FER: variants seen among roughly 807,000 people sequenced by gnomAD.
FER encodes the protein tyrosine-protein kinase Fer.
FER carries 63 observed loss-of-function variants against 111.0 expected under a neutral mutation model. The ratio of observed to expected loss-of-function variants is 0.57; its 90% CI spans 0.46 to 0.70. The LOEUF is 0.70. FER is among the 30% of genes least tolerant of loss of function. The pLI is 0.00. For synonymous variants in FER, 327 were observed against 313.9 expected (o/e 1.04, Z -0.44); for missense variants, 914 against 954.0 (o/e 0.96, Z 0.55).
At chr5:108,886,865 T>C (rs1747251233) in intron 9 of FER, among the ~76,000 whole-genome samples, 1 of 151,748 alleles carries the variant, frequency 6.6e-6, no homozygotes, top group South Asian at 2.1e-4. Flanking sequence ...AATGCAGACA[T>C]TGGTAGGGTT....
chr5:108,896,060 C>T (rs1363787688), intron 9 of FER, among the ~76,000 whole-genome samples: 1 of 151,954 alleles, frequency 6.6e-6, no homozygotes, highest in Admixed American at 6.6e-5. Context: ...TGAAATCATT[C>T]ACCTTTTTGT....
intron 17 of FER, among the ~76,000 whole-genome samples, chr5:109,152,195 CAA>C (rs1754922407): frequency 6.6e-6 from 1 of 151,980 alleles, no homozygotes; most frequent in African/African-American, 2.4e-5. Flanking sequence ...AATGTAAAAT[CAA>C]AGTCAGTTCC....
intron 13 of FER, among the ~76,000 whole-genome samples, chr5:109,035,415 G>A (rs1333452956): frequency 6.6e-6 from 1 of 152,124 alleles, no homozygotes; most frequent in Non-Finnish European, 1.5e-5. Context: ...AGTTTGTCTA[G>A]ATTTATTAAC....
chr5:109,180,622 C>T, intron 17 of FER, 125 bp from the exon 18 acceptor site: 1 of 1,065,396 alleles, frequency 9.4e-7, no homozygotes, highest in Non-Finnish European at 1.3e-6. Context: ...TGGTAAATCA[C>T]AAGCATTCTT....
intron 17 of FER, among the ~76,000 whole-genome samples, chr5:109,145,087 A>ACAC (rs200009582): frequency 0.012 from 1,804 of 151,988 alleles, 18 homozygotes; most frequent in Non-Finnish European, 0.02. Context: ...TTTCAAATTA[A>ACAC]GAGTTATGCC....
At chr5:109,039,679 G>A (rs986617264) in intron 14 of FER, among the ~76,000 whole-genome samples, 3 of 152,074 alleles carry the variant, frequency 2.0e-5, no homozygotes, top group African/African-American at 7.2e-5. Flanking sequence ...TGCAAAATTT[G>A]TTTGAAGAGC....
chr5:109,025,141 T>A (rs1254473921), intron 13 of FER, among the ~76,000 whole-genome samples: 1 of 152,016 alleles, frequency 6.6e-6, no homozygotes, highest in Non-Finnish European at 1.5e-5. Context: ...AAGTAGTTTT[T>A]TCCAATTCTG....
intron 13 of FER, among the ~76,000 whole-genome samples, chr5:108,974,387 T>C (rs1366810023): frequency 6.6e-6 from 1 of 152,136 alleles, no homozygotes; most frequent in Non-Finnish European, 1.5e-5. Flanking sequence ...ACAGCATAGT[T>C]TTTCAGAGGA....
intron 2 of FER, among the ~76,000 whole-genome samples, chr5:108,771,085 G>A (rs897532662): frequency 4.0e-5 from 6 of 151,766 alleles, no homozygotes; most frequent in African/African-American, 7.3e-5. Flanking sequence ...ACAGATGCCC[G>A]CCACCATGCC....
chr5:109,118,970 A>G (rs1442902894), intron 17 of FER, among the ~76,000 whole-genome samples: 2 of 147,390 alleles, frequency 1.4e-5, no homozygotes, highest in Admixed American at 1.4e-4. Context: ...TGCTGGATTC[A>G]TTGATTTTTT....
At chr5:109,120,403 A>G (rs935026850) in intron 17 of FER, among the ~76,000 whole-genome samples, 8 of 151,930 alleles carry the variant, frequency 5.3e-5, no homozygotes, top group African/African-American at 1.7e-4. Flanking sequence ...AAGTGTGTTC[A>G]CTGTAGATGT....
chr5:109,051,729 G>C, intron 16 of FER: 1 of 1,562,628 alleles, frequency 6.4e-7, no homozygotes, highest in Non-Finnish European at 8.8e-7. Context: ...GGTAAGGGTC[G>C]CTCTTTCCCT....
At position 109,192,647 on chromosome 5, in the gene FER, A is replaced by T. The variant is rs1007509044; in HGVS notation, c.*5072A>T. The T allele has an allele frequency of 6.6e-6, 1 of 152,142 alleles. No homozygotes were observed. The highest frequency in any genetic ancestry group is 2.4e-5 in the African/African-American group (1 of 41,436). 9.4% of individuals were successfully genotyped at this position (152,142 alleles called of 1,614,324 possible). A position where few individuals can be genotyped will look rare whatever the true frequency, so the allele number is the denominator to read the frequency against. On this transcript the variant is annotated 3_prime_UTR_variant, in exon 20 of 20. Transcript: ENST00000281092. ...TAAGATCACTGATTATCCACACGTT[A>T]TTAGAAATCTTTGGTTACAGTGAGG... is the stretch of plus-strand genomic sequence containing the variant.
At chr5:108,931,401 C>T (rs1256771245) in intron 10 of FER, among the ~76,000 whole-genome samples, 5 of 152,054 alleles carry the variant, frequency 3.3e-5, no homozygotes. Context: ...ACTTATGTCA[C>T]TGAACGAAGG....
chr5:108,816,783 G>A (rs1034055955), intron 3 of FER, among the ~76,000 whole-genome samples: 1 of 152,174 alleles, frequency 6.6e-6, no homozygotes, highest in South Asian at 2.1e-4. Context: ...TGGCCTTAGA[G>A]CCAATAATTG....
At chr5:109,108,762 A>C (rs1449031972) in intron 17 of FER, among the ~76,000 whole-genome samples, 1 of 152,200 alleles carries the variant, frequency 6.6e-6, no homozygotes, top group Non-Finnish European at 1.5e-5. Flanking sequence ...TGGGGAATTC[A>C]TCAGAACATA....
At chr5:108,755,305 GC>G (rs1221608343) in intron 1 of FER, among the ~76,000 whole-genome samples, 1 of 152,178 alleles carries the variant, frequency 6.6e-6, no homozygotes, top group Admixed American at 6.5e-5. Context: ...TTTTCTGTAT[GC>G]TTCTGTTTCT....
chr5:108,924,772 G>A (rs1321736791), intron 10 of FER: 1 of 1,231,888 alleles, frequency 8.1e-7, no homozygotes, highest in African/African-American at 1.6e-5. Context: ...TTCCACATCA[G>A]AAGTCCACAG....
chr5:109,053,764 C>T (rs1176883809), intron 16 of FER, among the ~76,000 whole-genome samples: 3 of 145,560 alleles, frequency 2.1e-5, no homozygotes, highest in African/African-American at 7.7e-5. Flanking sequence ...GATCTTGGCT[C>T]ACTGCAAGCT....
Sources: allele counts gnomAD v4.1 joint callset (sites outside exome capture counted in the v4.1 genomes callset), GRCh38; gene constraint gnomAD v4.1.1; transcripts MANE v1.5; gene names NCBI Gene and HGNC (gene_info 2026-07-23, HGNC 2026-07-21).